Variants in DKK2 observed in about 807,000 individuals in gnomAD.
DKK2 encodes dickkopf Wnt signaling pathway inhibitor 2, also known as dickkopf-related protein 2.
Under a neutral mutation model 28.1 loss-of-function variants are expected in DKK2, and 11 were observed. The observed-to-expected ratio is 0.39, with a 90% CI of 0.25 to 0.65. DKK2 has a LOEUF of 0.65. Among genes scored for constraint, DKK2 ranks in the 30% least tolerant of loss-of-function variants. The pLI, the probability that DKK2 is intolerant of heterozygous loss-of-function variation, is 0.47. For missense variants in DKK2, 326 were observed against 335.5 expected (o/e 0.97, Z 0.22); for synonymous variants, 135 against 126.5 (o/e 1.07, Z -0.45).
At chr4:107,032,949 A>G (rs1189191597) in intron 1 of DKK2, among the ~76,000 whole-genome samples, 1 of 152,176 alleles carries the variant, frequency 6.6e-6, no homozygotes, top group East Asian at 1.9e-4. Flanking sequence ...AAATAATAAT[A>G]CTAAGAATGT....
chr4:106,923,864 T>C lies in DKK2; in HGVS notation c.*90A>G. 6.6e-7 allele frequency: 1 copy of C among 1,519,802 alleles called. No individual in the cohort carries two copies. Among genetic ancestry groups the C allele is most frequent in the East Asian group, 2.3e-5 (1 of 44,036 alleles). The allele number at this position is 1,519,802 out of a possible 1,614,324, so 94.1% of individuals were successfully genotyped here. On this transcript the variant is annotated 3_prime_UTR_variant, in exon 4 of 4. Transcript: ENST00000285311. ...ATCACGTTTCTTATTTTAGCCATTC[T>C]TCTGCATCTGAACCTTATTTTCCAC...
intron 1 of DKK2, among the ~76,000 whole-genome samples, chr4:106,981,307 G>T (rs1723024464): frequency 6.6e-6 from 1 of 152,048 alleles, no homozygotes; most frequent in Non-Finnish European, 1.5e-5. Flanking sequence ...CTTTAATTGG[G>T]AAAATAAAGA....
chr4:106,938,272 A>T (rs2110342622), intron 1 of DKK2, among the ~76,000 whole-genome samples: 1 of 152,202 alleles, frequency 6.6e-6, no homozygotes, highest in Non-Finnish European at 1.5e-5. Context: ...TGCAATAAAA[A>T]ATGATAAAGG....
intron 1 of DKK2, among the ~76,000 whole-genome samples, chr4:106,958,823 G>A (rs1280983503): frequency 2.9e-5 from 4 of 138,550 alleles, no homozygotes; most frequent in African/African-American, 8.1e-5. Context: ...GGCAACAAGA[G>A]TGAAACTCAA....
At chr4:107,018,435 CT>C (rs1453853820) in intron 1 of DKK2, among the ~76,000 whole-genome samples, 1 of 152,016 alleles carries the variant, frequency 6.6e-6, no homozygotes, top group East Asian at 1.9e-4. Flanking sequence ...CATCCCTAGC[CT>C]TTCTCTTATT....
At chr4:106,978,437 C>A (rs1362588645) in intron 1 of DKK2, among the ~76,000 whole-genome samples, 2 of 152,112 alleles carry the variant, frequency 1.3e-5, no homozygotes, top group Non-Finnish European at 2.9e-5. Context: ...AGTTGCCCTG[C>A]CCAGAGAGAA....
Position 106,922,696 on chromosome 4 carries a change from A to G in DKK2, c.*1258T>C, listed in dbSNP as rs1724364007. On this transcript the variant is annotated 3_prime_UTR_variant, in exon 4 of 4. Transcript: ENST00000285311. ...GAGATTATTTGAGGATCTCAGCACTATAAAATAAATAATTTGAGGATAGTA... is the reference window on the plus strand; with the variant it reads ...GAGATTATTTGAGGATCTCAGCACTGTAAAATAAATAATTTGAGGATAGTA... The G allele has an allele frequency of 6.6e-6, 1 of 152,196 alleles. No individual in the cohort carries two copies. The highest frequency in any genetic ancestry group is 2.1e-4 in the South Asian group (1 of 4,836). The allele number at this position is 152,196 out of a possible 1,614,324, so 9.4% of individuals were successfully genotyped here. A position where few individuals can be genotyped will look rare whatever the true frequency, so the allele number is the denominator to read the frequency against.
At chr4:106,972,101 C>G (rs1722876746) in intron 1 of DKK2, among the ~76,000 whole-genome samples, 1 of 152,004 alleles carries the variant, frequency 6.6e-6, no homozygotes, top group Non-Finnish European at 1.5e-5. Context: ...ACACTTTTTT[C>G]AGTGCAACCT....
At chr4:107,033,068 A>G (rs1723900147) in intron 1 of DKK2, among the ~76,000 whole-genome samples, 1 of 152,026 alleles carries the variant, frequency 6.6e-6, no homozygotes, top group East Asian at 1.9e-4. Context: ...TTTCTTCATA[A>G]CAGTACATAC....
chr4:106,939,494 G>A (rs1390733236), intron 1 of DKK2, among the ~76,000 whole-genome samples: 1 of 152,168 alleles, frequency 6.6e-6, no homozygotes, highest in Non-Finnish European at 1.5e-5. Flanking sequence ...CCATGCTCAT[G>A]GGTAGGAAGA....
chr4:106,934,356 T>C (rs1297748705), intron 1 of DKK2, among the ~76,000 whole-genome samples: 1 of 152,226 alleles, frequency 6.6e-6, no homozygotes, highest in Admixed American at 6.5e-5. Flanking sequence ...GGTTTCATAC[T>C]AAGAGAGCTG....
At chr4:107,034,785 C>A (rs1723937207) in intron 1 of DKK2, among the ~76,000 whole-genome samples, 1 of 152,022 alleles carries the variant, frequency 6.6e-6, no homozygotes. Flanking sequence ...GAGTAATGTC[C>A]CCTCCAGATT....
chr4:106,936,824 A>G (rs1345533762), intron 1 of DKK2, among the ~76,000 whole-genome samples: 3 of 151,818 alleles, frequency 2.0e-5, no homozygotes, highest in Middle Eastern at 3.4e-3. Flanking sequence ...ACATTCTTAA[A>G]GAAAAGAATT....
chr4:107,007,917 G>C (rs188414283), intron 1 of DKK2, among the ~76,000 whole-genome samples: 12 of 152,202 alleles, frequency 7.9e-5, no homozygotes, highest in African/African-American at 2.9e-4. Context: ...TATTGTACAG[G>C]CTTGGTGATT....
chr4:106,931,591 T>C (rs1724506164), intron 1 of DKK2, among the ~76,000 whole-genome samples: 1 of 152,162 alleles, frequency 6.6e-6, no homozygotes, highest in South Asian at 2.1e-4. Flanking sequence ...TTTTCTAAGA[T>C]AAAATTTGCA....
intron 1 of DKK2, among the ~76,000 whole-genome samples, chr4:107,012,505 AG>A (rs1382765752): frequency 6.6e-6 from 1 of 151,314 alleles, no homozygotes; most frequent in Admixed American, 6.6e-5. Context: ...CTTTTCTAAA[AG>A]AAAAGTGTGT....
At chr4:107,033,575 GT>G (rs1218753089) in intron 1 of DKK2, among the ~76,000 whole-genome samples, 5 of 152,158 alleles carry the variant, frequency 3.3e-5, no homozygotes, top group Non-Finnish European at 7.4e-5. Context: ...CATCAGGTAT[GT>G]TGGCCCAATA....
At chr4:106,939,191 A>G (rs549689089) in intron 1 of DKK2, among the ~76,000 whole-genome samples, 4 of 152,198 alleles carry the variant, frequency 2.6e-5, no homozygotes, top group Non-Finnish European at 1.5e-5. Context: ...TGCAGATGAC[A>G]TGACTGTATA....
chr4:106,967,612 A>G (rs762263224), intron 1 of DKK2, among the ~76,000 whole-genome samples: 2 of 152,124 alleles, frequency 1.3e-5, no homozygotes, highest in Non-Finnish European at 2.9e-5. Flanking sequence ...ATGACATGTT[A>G]TGCCACAGAT....
Sources: gnomAD v4.1 joint callset for allele counts (sites outside exome capture counted in the v4.1 genomes callset) on GRCh38, gnomAD v4.1.1 for gene constraint, MANE v1.5 for transcripts, NCBI Gene and HGNC (gene_info 2026-07-23, HGNC 2026-07-21) for gene names.